Variants in ESF1 observed in about 807,000 individuals in gnomAD.
ESF1 encodes the protein ESF1 nucleolar pre-rRNA processing protein, also known as ESF1 homolog.
A neutral mutation model predicts 92.0 loss-of-function variants in ESF1; 58 were observed. The ratio of observed to expected loss-of-function variants is 0.63; its 90% CI spans 0.51 to 0.78. The LOEUF is 0.78. Ranked by LOEUF, ESF1 falls within the 30% of genes least tolerant of loss-of-function variation. ESF1 has a pLI of 0.00. For synonymous variants in ESF1, 321 were observed against 313.7 expected, an observed-to-expected ratio of 1.02 and a Z score of -0.24; for missense variants, 922 against 989.1, an observed-to-expected ratio of 0.93 and a Z score of 0.91.
intron 9 of ESF1, among the ~76,000 whole-genome samples, chr20:13,734,431 G>A (rs1156679903): frequency 2.0e-5 from 3 of 152,140 alleles, no homozygotes; most frequent in Non-Finnish European, 4.4e-5. Flanking sequence ...AAGATCAGAA[G>A]GACCACCAAG....
chr20:13,719,746 G>T (rs2049854842), intron 11 of ESF1, among the ~76,000 whole-genome samples: 1 of 151,952 alleles, frequency 6.6e-6, no homozygotes, highest in Admixed American at 6.6e-5. Context: ...CTTAGCATAA[G>T]AATACTGGAA....
intron 6 of ESF1, among the ~76,000 whole-genome samples, chr20:13,770,502 G>A (rs1177183377): frequency 1.3e-5 from 2 of 152,116 alleles, no homozygotes; most frequent in Non-Finnish European, 2.9e-5. Context: ...CAACATGCCT[G>A]GCTAATTTTT....
In ESF1 at chr20:13,714,873, G is replaced by A; in HGVS notation, c.*1C>T. On this transcript the variant is annotated 3_prime_UTR_variant, in exon 14 of 14. Coordinates refer to ENST00000617257, the MANE Select transcript of ESF1 (RefSeq NM_001276380.2). ...TCAGTTCAAAAATAAGTAACATCCA[G>A]TTATTTGACTTTTTGCTTTTTTCTT... 6.3e-7 allele frequency: 1 copy of A among 1,592,892 alleles called. No homozygotes were observed.
intron 8 of ESF1, among the ~76,000 whole-genome samples, chr20:13,760,638 G>A (rs560931973): frequency 5.3e-5 from 8 of 151,806 alleles, no homozygotes; most frequent in African/African-American, 1.4e-4. Flanking sequence ...TCTCCGCCCG[G>A]CAGCCGCCCT....
chr20:13,758,589 A>G (rs1979008941), intron 9 of ESF1, among the ~76,000 whole-genome samples: 1 of 152,218 alleles, frequency 6.6e-6, no homozygotes, highest in Non-Finnish European at 1.5e-5. Context: ...TCCCAATACA[A>G]AAGCACGCTA....
intron 8 of ESF1, among the ~76,000 whole-genome samples, chr20:13,765,723 G>A (rs1979398516): frequency 6.6e-6 from 1 of 152,162 alleles, no homozygotes. Flanking sequence ...GGGAACCTAA[G>A]CCTTAACATT....
intron 2 of ESF1, 29 bp downstream of exon 2, chr20:13,782,475 C>T: frequency 4.8e-6 from 7 of 1,469,304 alleles, no homozygotes; most frequent in African/African-American, 1.4e-5. Context: ...AATGTAACAC[C>T]CAAGAATCTC....
intron 2 of ESF1, among the ~76,000 whole-genome samples, chr20:13,777,442 G>A (rs928108734): frequency 3.3e-5 from 5 of 152,164 alleles, no homozygotes; most frequent in African/African-American, 9.7e-5. Context: ...TGAATACGAA[G>A]TGCCACTCAG....
chr20:13,727,395 C>A (rs1411953292), intron 11 of ESF1, among the ~76,000 whole-genome samples: 1 of 152,134 alleles, frequency 6.6e-6, no homozygotes, highest in Non-Finnish European at 1.5e-5. Flanking sequence ...AAAGCTGTAA[C>A]AATCAGGAAG....
intron 2 of ESF1, 150 bp downstream of exon 2, chr20:13,782,354 A>C (rs1012242714): frequency 4.7e-6 from 3 of 639,256 alleles, no homozygotes; most frequent in African/African-American, 1.9e-5. Flanking sequence ...TAATCACTGC[A>C]TATTTCTTTT....
At chr20:13,752,498 T>G (rs947071559) in intron 9 of ESF1, among the ~76,000 whole-genome samples, 1 of 152,182 alleles carries the variant, frequency 6.6e-6, no homozygotes, top group Non-Finnish European at 1.5e-5. Flanking sequence ...CAAAAAAAAT[T>G]TTTCTGAATA....
At chr20:13,757,049 C>G (rs1978930441) in intron 9 of ESF1, among the ~76,000 whole-genome samples, 1 of 151,868 alleles carries the variant, frequency 6.6e-6, no homozygotes, top group Non-Finnish European at 1.5e-5. Flanking sequence ...TATTCAACAA[C>G]AGAGAAATGG....
chr20:13,754,581 A>C (rs1978796968), intron 9 of ESF1, among the ~76,000 whole-genome samples: 1 of 152,190 alleles, frequency 6.6e-6, no homozygotes, highest in African/African-American at 2.4e-5. Context: ...GTATGAAAAA[A>C]AAAATTCTTG....
chr20:13,751,475 A>T (rs1437565809), intron 9 of ESF1, among the ~76,000 whole-genome samples: 4 of 152,232 alleles, frequency 2.6e-5, no homozygotes, highest in Non-Finnish European at 5.9e-5. Context: ...ACACATGCAA[A>T]CAGCGGGAAG....
intron 9 of ESF1, among the ~76,000 whole-genome samples, chr20:13,746,867 A>G (rs113176275): frequency 6.6e-6 from 1 of 152,312 alleles, no homozygotes; most frequent in South Asian, 2.1e-4. Context: ...ATTTTCTTCC[A>G]TATTTATTAG....
At chr20:13,774,071 G>A (rs68012295) in intron 4 of ESF1, among the ~76,000 whole-genome samples, 25,718 of 151,668 alleles carry the variant, frequency 0.17, 2,778 homozygotes, top group Non-Finnish European at 0.24. Flanking sequence ...CTCCAGCCTG[G>A]GCGACAGAGC....
chr20:13,745,271 G>A (rs1434872094), intron 9 of ESF1, among the ~76,000 whole-genome samples: 4 of 152,168 alleles, frequency 2.6e-5, no homozygotes, highest in East Asian at 1.9e-4. Flanking sequence ...GCGTATCTTC[G>A]TGATACATCC....
intron 9 of ESF1, among the ~76,000 whole-genome samples, chr20:13,734,610 G>C (rs1318348523): frequency 6.6e-6 from 1 of 152,126 alleles, no homozygotes; most frequent in South Asian, 2.1e-4. Flanking sequence ...AAGCCCTAAG[G>C]CTGATCTATC....
chr20:13,727,862 C>T (rs1164573598), intron 11 of ESF1, among the ~76,000 whole-genome samples: 1 of 152,042 alleles, frequency 6.6e-6, no homozygotes, highest in East Asian at 1.9e-4. Context: ...AACATAGATG[C>T]TTTTGTATGT....
Sources: gnomAD v4.1 joint callset for allele counts (sites outside exome capture counted in the v4.1 genomes callset) on GRCh38, gnomAD v4.1.1 for gene constraint, MANE v1.5 for transcripts, NCBI Gene and HGNC (gene_info 2026-07-23, HGNC 2026-07-21) for gene names.